KCNH5: variants seen among roughly 807,000 people sequenced by gnomAD.
KCNH5 encodes the protein potassium voltage-gated channel subfamily H member 5, also known as voltage-gated delayed rectifier potassium channel KCNH5.
A neutral mutation model predicts 96.1 loss-of-function variants in KCNH5; 46 were observed. The ratio of observed to expected loss-of-function variants is 0.48; its 90% CI spans 0.38 to 0.61. The LOEUF (loss-of-function observed/expected upper bound fraction) is 0.61. KCNH5 is among the 20% of genes least tolerant of loss of function. The probability of loss-of-function intolerance (pLI) is 0.00; values close to 1 mark genes in which losing one functional copy is unlikely to be tolerated. For synonymous variants in KCNH5, 439 were observed against 449.8 expected (o/e 0.98, Z 0.30); for missense variants, 907 against 1,225.8 (o/e 0.74, Z 3.88).
chr14:62,753,334 A>G lies in KCNH5; in HGVS notation c.2019+26394T>C, dbSNP rs149422269. 1.2e-3 allele frequency among the ~76,000 whole-genome samples: 188 copies of G among 152,276 alleles called. 2 individuals carry two copies. The highest frequency in any genetic ancestry group is 4.0e-3 in the African/African-American group (166 of 41,576). On this transcript the variant is annotated intron_variant, in intron 10 of 10. Coordinates refer to ENST00000322893, the MANE Select transcript of KCNH5 (RefSeq NM_139318.5). ...AAAAAAGAAGAAAAAAGAAGAAAACATGACTAAAGTTCTGGAAAATAGCCT... is the reference window on the plus strand; with the variant it reads ...AAAAAAGAAGAAAAAAGAAGAAAACGTGACTAAAGTTCTGGAAAATAGCCT...
intron 1 of KCNH5, among the ~76,000 whole-genome samples, chr14:63,042,810 G>T (rs1891850992): frequency 6.6e-6 from 1 of 152,046 alleles, no homozygotes; most frequent in African/African-American, 2.4e-5. Flanking sequence ...AATTTCTGAG[G>T]TTCTGCCTAT....
At chr14:62,771,398 G>A (rs925804433) in intron 10 of KCNH5, among the ~76,000 whole-genome samples, 4 of 152,098 alleles carry the variant, frequency 2.6e-5, no homozygotes, top group South Asian at 2.1e-4. Context: ...AGGCCGAGGT[G>A]GGCAGATCAC....
chr14:62,876,728 A>T (rs957251120), intron 7 of KCNH5, among the ~76,000 whole-genome samples: 18 of 152,336 alleles, frequency 1.2e-4, no homozygotes, highest in African/African-American at 4.3e-4. Context: ...CATAAGGGTA[A>T]ATATGTAATC....
chr14:63,019,062 C>T (rs1192417496), intron 1 of KCNH5, among the ~76,000 whole-genome samples: 2 of 150,432 alleles, frequency 1.3e-5, no homozygotes, highest in African/African-American at 4.9e-5. Flanking sequence ...TTCTGTGGGA[C>T]AATATCAAGC....
intron 6 of KCNH5, among the ~76,000 whole-genome samples, chr14:62,955,860 A>T (rs532212032): frequency 5.3e-5 from 8 of 152,300 alleles, no homozygotes; most frequent in African/African-American, 1.4e-4. Context: ...CATTGTTCAC[A>T]TGAGGACACT....
intron 1 of KCNH5, among the ~76,000 whole-genome samples, chr14:63,034,348 A>G (rs1410672288): frequency 6.6e-6 from 1 of 152,236 alleles, no homozygotes; most frequent in Non-Finnish European, 1.5e-5. Flanking sequence ...AAATCTTGGT[A>G]CAGATGGCTA....
At chr14:62,772,241 A>G (rs942999272) in intron 10 of KCNH5, among the ~76,000 whole-genome samples, 8 of 152,042 alleles carry the variant, frequency 5.3e-5, no homozygotes, top group African/African-American at 1.7e-4. Context: ...TATTTTTAGT[A>G]TACATAATTT....
rs376214432 is a variant in KCNH5, at chr14:62,940,826, C to G, written c.1369+9307G>C. 4.2e-4 allele frequency among the ~76,000 whole-genome samples: 64 copies of G among 152,308 alleles called. 4 individuals carry two copies. In the South Asian group the frequency reaches 8.3e-3, roughly 20 times the overall value. On this transcript the variant is annotated intron_variant, in intron 7 of 10. Coordinates refer to ENST00000322893, the MANE Select transcript of KCNH5 (RefSeq NM_139318.5). ...TTTATTCATTCATTAATTCATTCAA[C>G]ATGTGTTCAATGGGCACAACCATCA...
chr14:62,918,288 A>T lies in KCNH5; in HGVS notation c.1369+31845T>A, dbSNP rs185162690. Among the ~76,000 whole-genome samples, 511 of 152,248 alleles carry T rather than the reference A, an allele frequency of 3.4e-3. 4 individuals carry two copies. Among genetic ancestry groups the T allele is most frequent in the African/African-American group, 0.012 (487 of 41,550 alleles). ...CCATTAAAAAGAAGCCATTTCTACAATGTAATGTACAACATACAACTCTAC... is the reference window on the plus strand; with the variant it reads ...CCATTAAAAAGAAGCCATTTCTACATTGTAATGTACAACATACAACTCTAC... On this transcript the variant is annotated intron_variant, in intron 7 of 10. Coordinates refer to ENST00000322893, the MANE Select transcript of KCNH5 (RefSeq NM_139318.5).
At chr14:62,756,363 G>T (rs1454417746) in intron 10 of KCNH5, among the ~76,000 whole-genome samples, 1 of 152,004 alleles carries the variant, frequency 6.6e-6, no homozygotes, top group South Asian at 2.1e-4. Flanking sequence ...TTGTTAAAAT[G>T]TCCATACTAC....
chr14:62,854,441 G>T (rs1887891162), intron 7 of KCNH5, among the ~76,000 whole-genome samples: 1 of 152,052 alleles, frequency 6.6e-6, no homozygotes, highest in Non-Finnish European at 1.5e-5. Context: ...GGCAGGTAGG[G>T]GAGTGAAACA....
intron 7 of KCNH5, among the ~76,000 whole-genome samples, chr14:62,929,069 C>T (rs1889530706): frequency 1.3e-5 from 2 of 152,040 alleles, no homozygotes; most frequent in Admixed American, 6.6e-5. Flanking sequence ...CTTAACATGA[C>T]TTATCAAAAC....
In KCNH5 at chr14:62,777,397, G is replaced by A. The variant is rs146373463; in HGVS notation, c.2019+2331C>T. ...ATGGAGACTATACTGCTCTGTTTGT[G>A]GGTCGTTGACATTTAATAAGATATT... is the stretch of plus-strand genomic sequence containing the variant. On this transcript the variant is annotated intron_variant, in intron 10 of 10. Coordinates refer to ENST00000322893, the MANE Select transcript of KCNH5 (RefSeq NM_139318.5). Among the ~76,000 whole-genome samples, 7 of 152,240 alleles carry A rather than the reference G, an allele frequency of 4.6e-5. No individual in the cohort carries two copies. In the East Asian group the frequency reaches 5.8e-4, roughly 13 times the overall value.
chr14:62,749,450 G>C (rs1346794938), intron 10 of KCNH5, among the ~76,000 whole-genome samples: 1 of 152,178 alleles, frequency 6.6e-6, no homozygotes, highest in African/African-American at 2.4e-5. Flanking sequence ...TTTGAGGAAA[G>C]TTGACCTGCT....
chr14:62,915,003 G>C (rs529170982), intron 7 of KCNH5, among the ~76,000 whole-genome samples: 158 of 152,308 alleles, frequency 1.0e-3, no homozygotes, highest in Non-Finnish European at 1.7e-3. Context: ...CCAGAGCTGA[G>C]CCAGTGCCTG....
At position 62,985,876 on chromosome 14, in the gene KCNH5, T is replaced by A. The variant is rs138828104; in HGVS notation, c.549+1196A>T. On this transcript the variant is annotated intron_variant, in intron 5 of 10. Transcript: ENST00000322893. Reference sequence around the variant, plus strand: ...CTTTGTATGCCCCAAACTGAACTCATGATCATTGTCCTCAAATCTTCTTTC... The same window carrying A: ...CTTTGTATGCCCCAAACTGAACTCAAGATCATTGTCCTCAAATCTTCTTTC... Among the ~76,000 whole-genome samples the A allele has an allele frequency of 6.4e-4, 98 of 152,272 alleles. 5 individuals carry two copies. In the East Asian group the frequency reaches 6.8e-3, roughly 11 times the overall value.
At chr14:62,789,324 C>T (rs918284636) in intron 9 of KCNH5, among the ~76,000 whole-genome samples, 1 of 151,972 alleles carries the variant, frequency 6.6e-6, no homozygotes, top group Non-Finnish European at 1.5e-5. Context: ...TTTATCAATT[C>T]ATCCATCAAT....
intron 8 of KCNH5, among the ~76,000 whole-genome samples, chr14:62,822,359 T>A (rs891748165): frequency 2.0e-5 from 3 of 152,118 alleles, no homozygotes; most frequent in African/African-American, 7.2e-5. Flanking sequence ...CTCTATCCAA[T>A]GTTAGGCATA....
intron 1 of KCNH5, among the ~76,000 whole-genome samples, chr14:63,042,095 T>C (rs72730221): frequency 0.015 from 2,278 of 152,156 alleles, 23 homozygotes; most frequent in Non-Finnish European, 0.025. Flanking sequence ...TCTCTTTGTG[T>C]CCATTTCCCT....
Sources: allele counts gnomAD v4.1 joint callset (sites outside exome capture counted in the v4.1 genomes callset), GRCh38; gene constraint gnomAD v4.1.1; transcripts MANE v1.5; gene names NCBI Gene and HGNC (gene_info 2026-07-23, HGNC 2026-07-21).